SCN7A: variants seen among roughly 807,000 people sequenced by gnomAD.
SCN7A encodes the protein sodium voltage-gated channel alpha subunit 7.
In SCN7A, 138 loss-of-function variants were observed where a neutral mutation model predicts 155.2. The observed-to-expected ratio is 0.89, with a 90% CI of 0.77 to 1.02. The LOEUF (loss-of-function observed/expected upper bound fraction) is 1.02, where lower values mean the gene tolerates loss of function less well. Among genes scored for constraint, SCN7A ranks in the 50% least tolerant of loss-of-function variants. SCN7A has a pLI of 0.00. For missense variants in SCN7A, 2,058 were observed against 1,986.6 expected (o/e 1.04, Z -0.68); for synonymous variants, 693 against 649.0 (o/e 1.07, Z -1.03).
At chr2:166,469,063 A>T (rs1036723819) in intron 7 of SCN7A, among the ~76,000 whole-genome samples, 19 of 150,342 alleles carry the variant, frequency 1.3e-4, no homozygotes, top group African/African-American at 3.9e-4. Flanking sequence ...TCCAGTTAAA[A>T]TTTTTTTTAA....
At position 166,477,569 on chromosome 2, in the gene SCN7A, T is replaced by C; in HGVS notation, c.128A>G (p.Asp43Gly). 6.3e-7 allele frequency: 1 copy of C among 1,579,844 alleles called. No individual in the cohort carries two copies. The highest frequency in any genetic ancestry group is 8.6e-7 in the Non-Finnish European group (1 of 1,160,656). ...HEEEDLKPTPDLEVGKKLPFI... is the reference protein window; with the variant it reads ...HEEEDLKPTPGLEVGKKLPFI... Reference sequence around the variant, plus strand: ...TGGAAGCTTTTTGCCAACTTCCAAATCAGGAGTTGGCTTTAAGTCTTCTTC... The same window carrying C: ...TGGAAGCTTTTTGCCAACTTCCAAACCAGGAGTTGGCTTTAAGTCTTCTTC... The change falls in exon 3 of 26, where the codon GAT becomes GGT. Residue 43 changes from aspartate to glycine, a missense_variant. Transcript: ENST00000643258.
rs1281734374 is a variant in SCN7A at position 166,474,294 on chromosome 2, A to G, written c.285T>C (p.Ala95=). 3 of 1,531,944 alleles carry G rather than the reference A, an allele frequency of 2.0e-6. No homozygotes were observed. In the Admixed American group the frequency reaches 6.0e-5, roughly 31 times the overall value. 94.9% of individuals were successfully genotyped at this position (1,531,944 alleles called of 1,614,324 possible). A position where few individuals can be genotyped will look rare whatever the true frequency, so the allele number is the denominator to read the frequency against. The change falls in exon 4 of 26, where the codon GCT becomes GCC. Residue 95 remains alanine (A), a synonymous_variant. Transcript: ENST00000643258. ...KNRTIFRFNA[A]SILCTLSPFN... ...AAGGAGACAATGTACACAAGATGGA[A>G]GCCGCATTGAATCTGAAGATTGTTC... is the stretch of plus-strand genomic sequence containing the variant.
chr2:166,416,511 C>T (rs1203278006), intron 21 of SCN7A, among the ~76,000 whole-genome samples, 196 bp downstream of exon 21: 1 of 152,122 alleles, frequency 6.6e-6, no homozygotes, highest in Non-Finnish European at 1.5e-5. Context: ...CCAACACTTA[C>T]GGAAAATAGA....
intron 2 of SCN7A, among the ~76,000 whole-genome samples, chr2:166,486,170 C>G (rs1162626038): frequency 6.6e-6 from 1 of 152,150 alleles, no homozygotes; most frequent in Non-Finnish European, 1.5e-5. Flanking sequence ...AGCTGACCTC[C>G]TTGAGTATCC....
At chr2:166,410,814 C>T (rs765256915) in intron 23 of SCN7A, among the ~76,000 whole-genome samples, 8 of 151,962 alleles carry the variant, frequency 5.3e-5, no homozygotes, top group South Asian at 2.1e-4. Context: ...AAGCACCTTG[C>T]GCTTGCTTCT....
intron 12 of SCN7A, among the ~76,000 whole-genome samples, chr2:166,445,855 T>C (rs958467615): frequency 3.3e-5 from 5 of 152,102 alleles, no homozygotes; most frequent in African/African-American, 1.2e-4. Context: ...ACCCCATCCT[T>C]CCACCATATA....
intron 25 of SCN7A, among the ~76,000 whole-genome samples, chr2:166,409,204 T>A (rs1701143228): frequency 6.6e-6 from 1 of 151,990 alleles, no homozygotes; most frequent in Admixed American, 6.6e-5. Context: ...GAGAGAGATC[T>A]CCAAAGTAAG....
Position 166,403,848 on chromosome 2 carries a change from G to A in SCN7A, c.*1732C>T, listed in dbSNP as rs1200340608. 1 of 151,748 alleles carries A rather than the reference G, an allele frequency of 6.6e-6. No individual in the cohort carries two copies. The highest frequency in any genetic ancestry group is 1.5e-5 in the Non-Finnish European group (1 of 67,904). 9.4% of individuals were successfully genotyped at this position (151,748 alleles called of 1,614,324 possible). Reference sequence around the variant, plus strand: ...ACGGAGCTTAGATAAAGCACCAGCTGTCACATTGTCACCAAGTTAACACTG... The same window carrying A: ...ACGGAGCTTAGATAAAGCACCAGCTATCACATTGTCACCAAGTTAACACTG... On this transcript the variant is annotated 3_prime_UTR_variant, in exon 26 of 26. Coordinates refer to ENST00000643258, the MANE Select transcript of SCN7A (RefSeq NM_002976.4).
chr2:166,441,374 T>C, intron 15 of SCN7A, 22 bp downstream of exon 15: 1 of 1,503,448 alleles, frequency 6.7e-7, no homozygotes, highest in African/African-American at 1.4e-5. Flanking sequence ...TCATGGAAAA[T>C]GTAAAAGAAT....
At chr2:166,481,867 C>G (rs967357256) in intron 2 of SCN7A, among the ~76,000 whole-genome samples, 4 of 152,170 alleles carry the variant, frequency 2.6e-5, no homozygotes, top group African/African-American at 9.6e-5. Context: ...CCATGTTGTT[C>G]AAAAAGGATG....
rs1484108838 is a variant in SCN7A at position 166,409,673 on chromosome 2, G to A, written c.3974C>T (p.Ser1325Phe). 3.3e-6 allele frequency: 5 copies of A among 1,507,880 alleles called. No homozygotes were observed. The highest frequency in any genetic ancestry group is 2.8e-5 in the African/African-American group (2 of 70,804). 93.4% of individuals were successfully genotyped at this position (1,507,880 alleles called of 1,614,324 possible). A position where few individuals can be genotyped will look rare whatever the true frequency, so the allele number is the denominator to read the frequency against. The change falls in exon 25 of 26, where the codon TCC becomes TTC. Residue 1325 changes from serine to phenylalanine, a missense_variant. Coordinates refer to ENST00000643258, the MANE Select transcript of SCN7A (RefSeq NM_002976.4). Reference sequence around the variant, plus strand: ...ACTAAACAAAATCTTACCTGTGATGGAGAAAATAACCACCATAAAATCAAA... The same window carrying A: ...ACTAAACAAAATCTTACCTGTGATGAAGAAAATAACCACCATAAAATCAAA... ...NIFDFMVVIFSITGLCLPMTV... is the reference protein window; with the variant it reads ...NIFDFMVVIFFITGLCLPMTV...
At chr2:166,467,616 C>G (rs1575054628) in intron 7 of SCN7A, among the ~76,000 whole-genome samples, 1 of 151,244 alleles carries the variant, frequency 6.6e-6, no homozygotes, top group East Asian at 1.9e-4. Flanking sequence ...GACACCATCA[C>G]ATTTTTATAA....
rs1338689799 is a variant in SCN7A at position 166,413,121 on chromosome 2, C to T, written c.3415G>A (p.Ala1139Thr). 4 of 1,500,648 alleles carry T rather than the reference C, an allele frequency of 2.7e-6. No homozygotes were observed. The highest frequency in any genetic ancestry group is 2.8e-5 in the African/African-American group (2 of 71,592). The allele number at this position is 1,500,648 out of a possible 1,614,324, so 93.0% of individuals were successfully genotyped here. A position where few individuals can be genotyped will look rare whatever the true frequency, so the allele number is the denominator to read the frequency against. Reference protein sequence around the residue: ...GNGFLSLLQVATFNGWITIMN... With the variant: ...GNGFLSLLQVTTFNGWITIMN... ...ATAGTGATCCATCCATTAAATGTTG[C>T]CTGTAAAAATAAAATGCATTTAAAA... The change falls in exon 22 of 26, where the codon GCA becomes ACA. Residue 1139 changes from alanine (A) to threonine (T), a missense_variant and splice_region_variant. Coordinates refer to ENST00000643258, the MANE Select transcript of SCN7A (RefSeq NM_002976.4).
intron 15 of SCN7A, among the ~76,000 whole-genome samples, chr2:166,439,844 C>T (rs1442728959): frequency 6.6e-6 from 1 of 152,074 alleles, no homozygotes; most frequent in East Asian, 1.9e-4. Context: ...AAATACAATG[C>T]CAATGTGATA....
chr2:166,418,766 A>C (rs1701445752), intron 20 of SCN7A, among the ~76,000 whole-genome samples: 1 of 152,204 alleles, frequency 6.6e-6, no homozygotes, highest in Non-Finnish European at 1.5e-5. Flanking sequence ...TAAAGAATAA[A>C]AAGAGTGGAT....
chr2:166,410,187 T>A, intron 24 of SCN7A, 33 bp downstream of exon 24: 4 of 1,438,780 alleles, frequency 2.8e-6, no homozygotes, highest in Non-Finnish European at 1.9e-6. Flanking sequence ...AACACCTCCA[T>A]TGAAGTTTCA....
At chr2:166,490,854 C>A (rs1167572344) in intron 1 of SCN7A, among the ~76,000 whole-genome samples, 8 of 152,178 alleles carry the variant, frequency 5.3e-5, no homozygotes, top group Admixed American at 4.6e-4. Context: ...TGAAACCAAA[C>A]ATATAGATGT....
intron 21 of SCN7A, among the ~76,000 whole-genome samples, chr2:166,414,249 T>TATATATATATACAC (rs1177440570): frequency 1.5e-5 from 1 of 66,490 alleles, no homozygotes; most frequent in African/African-American, 5.1e-5. Flanking sequence ...TATGTAAATA[T>TATATATATATACAC]ATATAGATAT....
At chr2:166,462,881 TG>T (rs1450557779) in intron 9 of SCN7A, among the ~76,000 whole-genome samples, 1 of 152,202 alleles carries the variant, frequency 6.6e-6, no homozygotes, top group African/African-American at 2.4e-5. Flanking sequence ...AATGGCCAAA[TG>T]GAGCTAATTA....
Sources: allele counts gnomAD v4.1 joint callset (sites outside exome capture counted in the v4.1 genomes callset), GRCh38; gene constraint gnomAD v4.1.1; transcripts MANE v1.5; gene names NCBI Gene and HGNC (gene_info 2026-07-23, HGNC 2026-07-21).